GSDME: variants seen among roughly 807,000 people sequenced by gnomAD.
GSDME encodes gasdermin-E.
A neutral mutation model predicts 47.5 loss-of-function variants in GSDME; 44 were observed. That is an observed-to-expected ratio of 0.93 (90% confidence interval 0.73 to 1.19). GSDME has a LOEUF of 1.19. GSDME is among the 50% of genes most tolerant of loss of function. GSDME has a pLI of 0.00. For synonymous variants in GSDME, 258 were observed against 252.8 expected, an observed-to-expected ratio of 1.02 and a Z score of -0.20; for missense variants, 663 against 604.2, an observed-to-expected ratio of 1.10 and a Z score of -1.02.
chr7:24,783,304 T>C, the GSDME span, among the ~76,000 whole-genome samples: 6 of 152,160 alleles, frequency 3.9e-5, no homozygotes, highest in Non-Finnish European at 7.3e-5. Flanking sequence ...TGTAAGCAAG[T>C]TACCTAACCT....
In GSDME at chr7:24,739,169, A is replaced by C. The variant is rs1233661531; in HGVS notation, c.404+5393T>G. On this transcript the variant is annotated intron_variant, in intron 3 of 9. Transcript: ENST00000645220. The surrounding 1 kb of genome is among the most constrained non-coding windows in gnomAD (Gnocchi z 5.1). ...AGTTAAAGACTTCTGCACAGCAATGAAACAACAAAATGAAGAGACAACTCA... is the reference window on the plus strand; with the variant it reads ...AGTTAAAGACTTCTGCACAGCAATGCAACAACAAAATGAAGAGACAACTCA... Among the ~76,000 whole-genome samples the C allele has an allele frequency of 6.6e-6, 1 of 152,190 alleles. No individual in the cohort carries two copies. Among genetic ancestry groups the C allele is most frequent in the East Asian group, 1.9e-4 (1 of 5,196 alleles).
rs761776750 is a variant in GSDME at position 24,744,243 on chromosome 7, A to C, written c.404+319T>G. 2 of 328,326 alleles carry C rather than the reference A, an allele frequency of 6.1e-6. No homozygotes were observed. The highest frequency in any genetic ancestry group is 2.1e-5 in the African/African-American group (1 of 47,314). The allele number at this position is 328,326 out of a possible 1,614,324, so 20.3% of individuals were successfully genotyped here. ...GGGGGTCATGACTTCCTGGCTTCTA[A>C]AGTTAATATTCAAAAATGCAGGACA... On this transcript the variant is annotated intron_variant, in intron 3 of 9. Coordinates refer to ENST00000645220, the MANE Select transcript of GSDME (RefSeq NM_001127453.2). The surrounding 1 kb of genome is among the most constrained non-coding windows in gnomAD (Gnocchi z 4.5).
At chr7:24,789,562 C>T in the GSDME span, among the ~76,000 whole-genome samples, 3 of 152,210 alleles carry the variant, frequency 2.0e-5, no homozygotes, top group Non-Finnish European at 4.4e-5. Flanking sequence ...CTTTTCCATA[C>T]AATGTCTGGA....
rs147560990 is a variant in GSDME, at chr7:24,754,283, T to C, written c.-20+3113A>G. On this transcript the variant is annotated intron_variant, in intron 1 of 9. Transcript: ENST00000645220. This position sits in a 1 kb window ranked among gnomAD's most constrained non-coding sequence, Gnocchi z 5.0. ...GGGGCGGATCACCTAGGTCAGGAGT[T>C]TGAAACCAGCCTGGCCCAACATGGT... 2.1e-3 allele frequency among the ~76,000 whole-genome samples: 321 copies of C among 152,114 alleles called. 1 individual carries two copies. The highest frequency in any genetic ancestry group is 7.5e-3 in the African/African-American group (312 of 41,494).
In GSDME at chr7:24,716,713, G is replaced by A. The variant is rs868676476; in HGVS notation, c.697+541C>T. On this transcript the variant is annotated intron_variant, in intron 5 of 9. Coordinates refer to ENST00000645220, the MANE Select transcript of GSDME (RefSeq NM_001127453.2). The surrounding 1 kb of genome is among the most constrained non-coding windows in gnomAD (Gnocchi z 4.5). ...ATGTCTGGCTTCATACTTGTGGAGA[G>A]GAGGTGGGGTAACAATAATGATGAT... 23 of 170,032 alleles carry A rather than the reference G, an allele frequency of 1.4e-4. No individual in the cohort carries two copies. The highest frequency in any genetic ancestry group is 1.5e-4 in the Non-Finnish European group (12 of 77,726). 10.5% of individuals were successfully genotyped at this position (170,032 alleles called of 1,614,324 possible). A position where few individuals can be genotyped will look rare whatever the true frequency, so the allele number is the denominator to read the frequency against.
Position 24,756,030 on chromosome 7 carries a change from G to C in GSDME, c.-20+1366C>G, listed in dbSNP as rs1387933720. Among the ~76,000 whole-genome samples, 1 of 152,194 alleles carries C rather than the reference G, an allele frequency of 6.6e-6. No individual in the cohort carries two copies. On this transcript the variant is annotated intron_variant, in intron 1 of 9. Coordinates refer to ENST00000645220, the MANE Select transcript of GSDME (RefSeq NM_001127453.2). This position sits in a 1 kb window ranked among gnomAD's most constrained non-coding sequence, Gnocchi z 4.2. ...TTTATCTTCCTATCCCTACAGCCCA[G>C]TACCTGAGCTCATTTTTAATGAGAA... is the stretch of plus-strand genomic sequence containing the variant.
Position 24,705,935 on chromosome 7 carries a change from T to TG in GSDME, c.1183+248dup. On this transcript the variant is annotated intron_variant, in intron 8 of 9. Coordinates refer to ENST00000645220, the MANE Select transcript of GSDME (RefSeq NM_001127453.2). This position sits in a 1 kb window ranked among gnomAD's most constrained non-coding sequence, Gnocchi z 4.1. ...AAGGGGCACCCACTGTGGCCTTCCC[T>TG]GGGGGAGGAGGGAGAAGGGCCCTCC... The TG allele has an allele frequency of 1.8e-6, 1 of 564,878 alleles. No individual in the cohort carries two copies. The highest frequency in any genetic ancestry group is 2.9e-5 in the Admixed American group (1 of 34,542). The allele number at this position is 564,878 out of a possible 1,614,324, so 35.0% of individuals were successfully genotyped here.
chr7:24,707,829 G>A (rs1789178058), intron 7 of GSDME: 1 of 545,958 alleles, frequency 1.8e-6, no homozygotes, highest in Admixed American at 3.3e-5. Flanking sequence ...TCTGGGGGAA[G>A]TGTGGCCCTG....
rs567645974 is a variant in GSDME, at chr7:24,726,673, A to G, written c.405-7455T>C. On this transcript the variant is annotated intron_variant, in intron 3 of 9. Transcript: ENST00000645220. The surrounding 1 kb of genome is among the most constrained non-coding windows in gnomAD (Gnocchi z 5.6). ...CCCGTCTCTACTAAAAATACAAAAAATCAGCCCGGCATAGTCCTGGCTACT... is the reference window on the plus strand; with the variant it reads ...CCCGTCTCTACTAAAAATACAAAAAGTCAGCCCGGCATAGTCCTGGCTACT... Among the ~76,000 whole-genome samples, 8 of 152,144 alleles carry G rather than the reference A, an allele frequency of 5.3e-5. No homozygotes were observed. The highest frequency in any genetic ancestry group is 1.9e-4 in the African/African-American group (8 of 41,512).
At chr7:24,717,891 G>A (rs916808212) in intron 4 of GSDME, among the ~76,000 whole-genome samples, 1 of 152,190 alleles carries the variant, frequency 6.6e-6, no homozygotes, top group Non-Finnish European at 1.5e-5. Flanking sequence ...GAAATGCCAA[G>A]AAGTCAGGCA....
rs1331528975 is a variant in GSDME at position 24,714,614 on chromosome 7, G to A, written c.697+2640C>T. ...TACCTCTTCTCAGCAGCACAAAGAGGAGTTTATTTTCAAAGACAGTGGAAG... is the reference window on the plus strand; with the variant it reads ...TACCTCTTCTCAGCAGCACAAAGAGAAGTTTATTTTCAAAGACAGTGGAAG... On this transcript the variant is annotated intron_variant, in intron 5 of 9. Coordinates refer to ENST00000645220, the MANE Select transcript of GSDME (RefSeq NM_001127453.2). The surrounding 1 kb of genome is among the most constrained non-coding windows in gnomAD (Gnocchi z 5.0). 6.6e-6 allele frequency among the ~76,000 whole-genome samples: 1 copy of A among 152,184 alleles called. No homozygotes were observed. The highest frequency in any genetic ancestry group is 1.5e-5 in the Non-Finnish European group (1 of 68,044).
rs780423622 is a variant in GSDME, at chr7:24,710,382, C to G, written c.704G>C (p.Cys235Ser). ...YVKLDGQFEF[C>S]LLRGKQGGFE... ...GCCACCTTGCTTCCCTCGGAGAAGG[C>G]AGAACTCTGTAGTGCAGGAGAAAAG... The change falls in exon 6 of 10, where the codon TGC becomes TCC. Residue 235 changes from cysteine to serine, a missense_variant. Coordinates refer to ENST00000645220, the MANE Select transcript of GSDME (RefSeq NM_001127453.2). 6.2e-7 allele frequency: 1 copy of G among 1,614,196 alleles called. No individual in the cohort carries two copies. Among genetic ancestry groups the G allele is most frequent in the East Asian group, 2.2e-5 (1 of 44,888 alleles).
intron 3 of GSDME, among the ~76,000 whole-genome samples, chr7:24,727,171 A>T (rs538583951): frequency 6.6e-6 from 1 of 152,314 alleles, no homozygotes; most frequent in Admixed American, 6.5e-5. Context: ...GATCTAACCC[A>T]GTGTCTCTGC....
At chr7:24,793,346 C>T in the GSDME span, among the ~76,000 whole-genome samples, 14 of 152,124 alleles carry the variant, frequency 9.2e-5, no homozygotes, top group Non-Finnish European at 1.8e-4. Flanking sequence ...GGATGATACC[C>T]CTTTAACTTT....
At chr7:24,750,594 C>T (rs1205079175) in intron 1 of GSDME, among the ~76,000 whole-genome samples, 1 of 152,130 alleles carries the variant, frequency 6.6e-6, no homozygotes, top group Non-Finnish European at 1.5e-5. Flanking sequence ...GTCTGGGTGA[C>T]AGTGCAAGAT....
intron 2 of GSDME, among the ~76,000 whole-genome samples, chr7:24,746,738 T>C (rs140718524): frequency 6.6e-6 from 1 of 152,332 alleles, no homozygotes; most frequent in Non-Finnish European, 1.5e-5. Context: ...AGATGTCATT[T>C]GTGCACACTT....
chr7:24,744,583 A>C lies in GSDME; in HGVS notation c.383T>G (p.Leu128Arg), dbSNP rs761604916. 1.9e-6 allele frequency: 3 copies of C among 1,614,182 alleles called. No homozygotes were observed. Among genetic ancestry groups the C allele is most frequent in the Non-Finnish European group, 2.5e-6 (3 of 1,180,038 alleles). ...LRKQEVDLQQ[L>R]IRDSAERTIN... ...TTACCTCTCGGCAGAGTCTCTGATG[A>C]GCTGCTGCAAATCCACCTCCTGCTT... is the stretch of plus-strand genomic sequence containing the variant. The change falls in exon 3 of 10, where the codon CTC (leucine) becomes CGC (arginine). Residue 128 changes from leucine (L) to arginine (R), a missense_variant. Transcript: ENST00000645220. The surrounding 1 kb of genome is among the most constrained non-coding windows in gnomAD (Gnocchi z 4.5).
At chr7:24,747,668 T>G (rs1306465770) in intron 2 of GSDME, among the ~76,000 whole-genome samples, 1 of 148,700 alleles carries the variant, frequency 6.7e-6, no homozygotes, top group African/African-American at 2.4e-5. Context: ...TACTTATTAA[T>G]CATTTTTTTT....
chr7:24,747,676 T>A (rs972911785), intron 2 of GSDME, among the ~76,000 whole-genome samples: 1 of 152,100 alleles, frequency 6.6e-6, no homozygotes, highest in Non-Finnish European at 1.5e-5. Flanking sequence ...AATCATTTTT[T>A]TTTTCTTATT....
Sources: allele counts gnomAD v4.1 joint callset (sites outside exome capture counted in the v4.1 genomes callset), GRCh38; gene constraint gnomAD v4.1.1; non-coding constraint Gnocchi (gnomAD v3.1); transcripts MANE v1.5; gene names NCBI Gene and HGNC (gene_info 2026-07-23, HGNC 2026-07-21).